The following FZD8 variants were observed in gnomAD, a reference collection of about 807,000 sequenced individuals.
FZD8 encodes frizzled-8.
A neutral mutation model predicts 46.0 loss-of-function variants in FZD8; 18 were observed. The ratio of observed to expected loss-of-function variants is 0.39; its 90% CI spans 0.27 to 0.58. FZD8 has a LOEUF of 0.58. Among genes scored for constraint, FZD8 ranks in the 20% least tolerant of loss-of-function variants. FZD8 has a pLI of 0.55. For missense variants in FZD8, 785 were observed against 983.4 expected, an observed-to-expected ratio of 0.80 and a Z score of 2.70; for synonymous variants, 586 against 467.9, an observed-to-expected ratio of 1.25 and a Z score of -3.26.
In FZD8 at chr10:35,641,471, C is replaced by T. The variant is rs773101447; in HGVS notation, c.-42G>A. On this transcript the variant is annotated 5_prime_UTR_variant, in exon 1 of 1. Transcript: ENST00000374694. This position sits in a 1 kb window ranked among gnomAD's most constrained non-coding sequence, Gnocchi z 6.3. ...CGGTGCCCTCGCCCTCCAGGCGGCG[C>T]GCAGAGGGGTGCCGGGGGGGGGGCC... 1 of 1,482,406 alleles carries T rather than the reference C, an allele frequency of 6.7e-7. No homozygotes were observed. The highest frequency in any genetic ancestry group is 8.9e-7 in the Non-Finnish European group (1 of 1,125,720). 91.8% of individuals were successfully genotyped at this position (1,482,406 alleles called of 1,614,324 possible). A position where few individuals can be genotyped will look rare whatever the true frequency, so the allele number is the denominator to read the frequency against.
rs764772371 is a variant in FZD8 at position 35,642,173 on chromosome 10, A to G, written c.-744T>C. 5 of 152,214 alleles carry G rather than the reference A, an allele frequency of 3.3e-5. No individual in the cohort carries two copies. Among genetic ancestry groups the G allele is most frequent in the Non-Finnish European group, 5.9e-5 (4 of 68,100 alleles). The allele number at this position is 152,214 out of a possible 1,614,324, so 9.4% of individuals were successfully genotyped here. ...ACAGTCTCCTTCCTGCTGGACACCC[A>G]GGAGCAAATCCAGACCGGAAGGCGG... is the stretch of plus-strand genomic sequence containing the variant. On this transcript the variant is annotated 5_prime_UTR_variant, in exon 1 of 1. Transcript: ENST00000374694.
rs1463510301 is a variant in FZD8 at position 35,640,602 on chromosome 10, G to A, written c.828C>T (p.Phe276=). Residue 276 remains phenylalanine (F), a synonymous_variant, in exon 1 of 1, where the codon TTC becomes TTT. Transcript: ENST00000374694. ...NPFFSQDERA[F]TVFWIGLWSV... is the part of the protein sequence containing the mutation. The stretch of plus-strand genomic sequence containing the variant: ...ACCACAGGCCGATCCAGAAGACGGT[G>A]AAGGCGCGCTCGTCCTGGCTGAAAA... The A allele has an allele frequency of 6.9e-6, 11 of 1,584,926 alleles. No individual in the cohort carries two copies. The highest frequency in any genetic ancestry group is 9.5e-6 in the Non-Finnish European group (11 of 1,163,530).
rs757177993 is a variant in FZD8, at chr10:35,640,497, C to T, written c.933G>A (p.Arg311=). ...IDMERFKYPE[R]PIIFLSACYL... is the part of the protein sequence containing the mutation. Reference sequence around the variant, plus strand: ...AGCAGGCCGAGAGGAAGATAATGGGCCGCTCCGGGTACTTGAAGCGCTCCA... The same window carrying T: ...AGCAGGCCGAGAGGAAGATAATGGGTCGCTCCGGGTACTTGAAGCGCTCCA... The change falls in exon 1 of 1, where the codon CGG becomes CGA. Residue 311 remains arginine, a synonymous_variant. Transcript: ENST00000374694. 2 of 1,583,594 alleles carry T rather than the reference C, an allele frequency of 1.3e-6. No homozygotes were observed. The highest frequency in any genetic ancestry group is 2.3e-5 in the East Asian group (1 of 43,038).
Position 35,640,083 on chromosome 10 carries a change from G to A in FZD8, c.1347C>T (p.Pro449=). The part of the protein sequence containing the change: ...QYFHLAAWLV[P]SVKSIAVLAL... ...CCAGCACCGCGATGGACTTGACGCT[G>A]GGCACAAGCCACGCGGCCAGGTGGA... Residue 449 remains proline, a synonymous_variant, in exon 1 of 1, where the codon CCC becomes CCT. Coordinates refer to ENST00000374694, the MANE Select transcript of FZD8 (RefSeq NM_031866.3). The A allele has an allele frequency of 6.2e-7, 1 of 1,611,246 alleles. No individual in the cohort carries two copies. The highest frequency in any genetic ancestry group is 8.5e-7 in the Non-Finnish European group (1 of 1,179,534).
In FZD8 at chr10:35,639,679, G is replaced by A. The variant is rs1456897475; in HGVS notation, c.1751C>T (p.Ala584Val). The change falls in exon 1 of 1, where the codon GCC becomes GTC. Residue 584 changes from alanine (A) to valine (V), a missense_variant. Physicochemically the swap from Ala to Val is moderately conservative, Grantham distance 64 (BLOSUM62 0). Around this residue, in one of 5 missense-constraint regions of FZD8, gnomAD observed 185 missense variants for 180.8 expected, o/e 1.02. Coordinates refer to ENST00000374694, the MANE Select transcript of FZD8 (RefSeq NM_031866.3). ...QPDQARRPDYAVFMLKYFMCL... is the reference protein window; with the variant it reads ...QPDQARRPDYVVFMLKYFMCL... ...CATGAAGTACTTGAGCATGAAGACG[G>A]CGTAGTCGGGCCTGCGTGCCTGGTC... 6.3e-7 allele frequency: 1 copy of A among 1,599,256 alleles called. No individual in the cohort carries two copies.
rs771459413 is a variant in FZD8 at position 35,639,547 on chromosome 10, G to A, written c.1883C>T (p.Ala628Val). Residue 628 changes from alanine (A) to valine (V), a missense_variant, in exon 1 of 1, where the codon GCG (alanine) becomes GTG (valine). Physicochemically the swap from Ala to Val is moderately conservative, Grantham distance 64. Transcript: ENST00000374694. ...CGTGGCGCCCGCGCCCCCGCCCACC[G>A]CGGCGCCCTTGCTGGCCCAGCAGCA... ...TRCCWASKGA[A>V]VGGGAGATAA... 9 of 1,305,910 alleles carry A rather than the reference G, an allele frequency of 6.9e-6. No homozygotes were observed. In the East Asian group the frequency reaches 2.2e-4, roughly 32 times the overall value. The allele number at this position is 1,305,910 out of a possible 1,614,324, so 80.9% of individuals were successfully genotyped here. A position where few individuals can be genotyped will look rare whatever the true frequency, so the allele number is the denominator to read the frequency against.
At position 35,639,352 on chromosome 10, in the gene FZD8, T is replaced by G. The variant is rs750174519; in HGVS notation, c.2078A>C (p.Gln693Pro). 9 of 1,206,586 alleles carry G rather than the reference T, an allele frequency of 7.5e-6. No homozygotes were observed. Among genetic ancestry groups the G allele is most frequent in the South Asian group, 1.4e-5 (1 of 71,548 alleles). 74.7% of individuals were successfully genotyped at this position (1,206,586 alleles called of 1,614,324 possible). A position where few individuals can be genotyped will look rare whatever the true frequency, so the allele number is the denominator to read the frequency against. ...VSYPKQMPLS[Q>P]V is the part of the protein sequence containing the mutation. ...GCGCCCCCTCCCCTCCGCTCAGACC[T>G]GGGACAATGGCATCTGCTTTGGATA... The change falls in exon 1 of 1, where the codon CAG becomes CCG. Residue 693 changes from glutamine (Q) to proline (P), a missense_variant. Physicochemically the swap from Gln to Pro is moderately conservative, Grantham distance 76 (BLOSUM62 -1). Coordinates refer to ENST00000374694, the MANE Select transcript of FZD8 (RefSeq NM_031866.3).
In FZD8 at chr10:35,639,723, G is replaced by A. The variant is rs575740384; in HGVS notation, c.1707C>T (p.Cys569=). ...PRWEATHNCP[C]LRDLQPDQAR... is the part of the protein sequence containing the mutation. ...CCTGGTCGGGCTGCAGGTCCCGCAG[G>A]CACGGGCAGTTGTGCGTGGCCTCCC... Residue 569 remains cysteine, a synonymous_variant, in exon 1 of 1, where the codon TGC becomes TGT. Coordinates refer to ENST00000374694, the MANE Select transcript of FZD8 (RefSeq NM_031866.3). 1.3e-6 allele frequency: 2 copies of A among 1,599,908 alleles called. No homozygotes were observed. The highest frequency in any genetic ancestry group is 2.2e-5 in the East Asian group (1 of 44,862).
At position 35,639,373 on chromosome 10, in the gene FZD8, G is replaced by T; in HGVS notation, c.2057C>A (p.Pro686Gln). ...GACCTGGGACAATGGCATCTGCTTT[G>T]GATAAGACACGGAGCTCGCCGTGCC... ...RSGTASSVSY[P>Q]KQMPLSQV Residue 686 changes from proline (P) to glutamine (Q), a missense_variant, in exon 1 of 1, where the codon CCA becomes CAA. By Grantham distance (76) the Pro-to-Gln change is moderately conservative. Around this residue, in one of 5 missense-constraint regions of FZD8, gnomAD observed 185 missense variants for 180.8 expected, o/e 1.02. Transcript: ENST00000374694. 1 of 1,471,086 alleles carries T rather than the reference G, an allele frequency of 6.8e-7. No homozygotes were observed. Among genetic ancestry groups the T allele is most frequent in the South Asian group, 1.3e-5 (1 of 79,068 alleles). The allele number at this position is 1,471,086 out of a possible 1,614,324, so 91.1% of individuals were successfully genotyped here. A position where few individuals can be genotyped will look rare whatever the true frequency, so the allele number is the denominator to read the frequency against.
rs1835813681 is a variant in FZD8, at chr10:35,639,434, A to T, written c.1996T>A (p.Tyr666Asn). The T allele has an allele frequency of 1.6e-6, 2 of 1,240,962 alleles. No individual in the cohort carries two copies. Among genetic ancestry groups the T allele is most frequent in the Non-Finnish European group, 2.1e-6 (2 of 970,820 alleles). The allele number at this position is 1,240,962 out of a possible 1,614,324, so 76.9% of individuals were successfully genotyped here. ...GGPGGGGGSL[Y>N]SDVSTGLTWR... is the part of the protein sequence containing the mutation. ...GTCAGGCCAGTGCTGACGTCGCTGT[A>T]GAGGGAGCCCCCGCCGCCGCCCGGC... Residue 666 changes from tyrosine (Y) to asparagine (N), a missense_variant, in exon 1 of 1, where the codon TAC becomes AAC. Physicochemically the swap from Tyr to Asn is moderately radical, Grantham distance 143 (BLOSUM62 -2). Coordinates refer to ENST00000374694, the MANE Select transcript of FZD8 (RefSeq NM_031866.3).
Position 35,638,470 on chromosome 10 carries a change from T to C in FZD8, c.*875A>G, listed in dbSNP as rs973619217. 5 of 152,690 alleles carry C rather than the reference T, an allele frequency of 3.3e-5. No homozygotes were observed. Among genetic ancestry groups the C allele is most frequent in the African/African-American group, 9.6e-5 (4 of 41,452 alleles). 9.5% of individuals were successfully genotyped at this position (152,690 alleles called of 1,614,324 possible). On this transcript the variant is annotated 3_prime_UTR_variant, in exon 1 of 1. Coordinates refer to ENST00000374694, the MANE Select transcript of FZD8 (RefSeq NM_031866.3). ...TTTACTTGGCTAACAACTTAAGAAC[T>C]AGAGTTTAACAAGTAATTTTCTCCA...
At position 35,640,341 on chromosome 10, in the gene FZD8, C is replaced by G. The variant is rs938462784; in HGVS notation, c.1089G>C (p.Ala363=). 3.5e-4 allele frequency: 334 copies of G among 966,992 alleles called. 3 individuals are homozygous for G. The South Asian group carries it at 8.0e-3, about 23-fold the overall frequency. 59.9% of individuals were successfully genotyped at this position (966,992 alleles called of 1,614,324 possible). A position where few individuals can be genotyped will look rare whatever the true frequency, so the allele number is the denominator to read the frequency against. The change falls in exon 1 of 1, where the codon GCG becomes GCC. Residue 363 remains alanine (A), a synonymous_variant. Transcript: ENST00000374694. ...CGCCCGGGCCGCCCGCGCCCGCGCCCGCCGCGCCCGCGCCCGCCGCCGCGC... is the reference window on the plus strand; with the variant it reads ...CGCCCGGGCCGCCCGCGCCCGCGCCGGCCGCGCCCGCGCCCGCCGCCGCGC... ...AGGAAAGAGA[A]GAGAGGPGGR... is the part of the protein sequence containing the mutation.
At position 35,639,406 on chromosome 10, in the gene FZD8, C is replaced by G. The variant is rs763828550; in HGVS notation, c.2024G>C (p.Trp675Ser). ...CACGGAGCTCGCCGTGCCCGACCGCCACGTCAGGCCAGTGCTGACGTCGCT... is the reference window on the plus strand; with the variant it reads ...CACGGAGCTCGCCGTGCCCGACCGCGACGTCAGGCCAGTGCTGACGTCGCT... ...LYSDVSTGLT[W>S]RSGTASSVSY... Residue 675 changes from tryptophan (W) to serine (S), a missense_variant, in exon 1 of 1, where the codon TGG (tryptophan) becomes TCG (serine). This residue lies in a region of FZD8 where 185 missense variants were observed against 180.8 expected (regional missense o/e 1.02). Coordinates refer to ENST00000374694, the MANE Select transcript of FZD8 (RefSeq NM_031866.3). 2 of 1,456,714 alleles carry G rather than the reference C, an allele frequency of 1.4e-6. No individual in the cohort carries two copies. Among genetic ancestry groups the G allele is most frequent in the Admixed American group, 4.2e-5 (2 of 48,168 alleles). 90.2% of individuals were successfully genotyped at this position (1,456,714 alleles called of 1,614,324 possible). A position where few individuals can be genotyped will look rare whatever the true frequency, so the allele number is the denominator to read the frequency against.
Position 35,639,977 on chromosome 10 carries a change from C to T in FZD8, c.1453G>A (p.Val485Met), listed in dbSNP as rs773282857. The stretch of plus-strand genomic sequence containing the variant: ...AGGTAGATGACCAGCGGCGCCAGCA[C>T]GAAGCCGCGCAGGTTGTCCAGGCTC... ...NQSLDNLRGF[V>M]LAPLVIYLFI... The change falls in exon 1 of 1, where the codon GTG becomes ATG. Residue 485 changes from valine to methionine, a missense_variant. By Grantham distance (21) the Val-to-Met change is conservative. This residue lies in a region of FZD8 where 147 missense variants were observed against 242.5 expected (regional missense o/e 0.61). Coordinates refer to ENST00000374694, the MANE Select transcript of FZD8 (RefSeq NM_031866.3). The T allele has an allele frequency of 6.2e-6, 10 of 1,612,686 alleles. No individual in the cohort carries two copies. Among genetic ancestry groups the T allele is most frequent in the African/African-American group, 1.3e-5 (1 of 74,856 alleles).
At position 35,639,431 on chromosome 10, in the gene FZD8, T is replaced by C; in HGVS notation, c.1999A>G (p.Ser667Gly). 7.2e-6 allele frequency: 9 copies of C among 1,258,706 alleles called. No individual in the cohort carries two copies. The highest frequency in any genetic ancestry group is 9.2e-6 in the Non-Finnish European group (9 of 980,752). 78.0% of individuals were successfully genotyped at this position (1,258,706 alleles called of 1,614,324 possible). A position where few individuals can be genotyped will look rare whatever the true frequency, so the allele number is the denominator to read the frequency against. Residue 667 changes from serine (S) to glycine (G), a missense_variant, in exon 1 of 1, where the codon AGC (serine) becomes GGC (glycine). This residue lies in a region of FZD8 where 185 missense variants were observed against 180.8 expected (regional missense o/e 1.02). Transcript: ENST00000374694. ...CACGTCAGGCCAGTGCTGACGTCGC[T>C]GTAGAGGGAGCCCCCGCCGCCGCCC... is the stretch of plus-strand genomic sequence containing the variant. ...GPGGGGGSLY[S>G]DVSTGLTWRS...
Position 35,640,805 on chromosome 10 carries a change from C to G in FZD8, c.625G>C (p.Ala209Pro). 9.9e-7 allele frequency: 1 copy of G among 1,012,236 alleles called. No homozygotes were observed. The highest frequency in any genetic ancestry group is 9.3e-5 in the East Asian group (1 of 10,772). 62.7% of individuals were successfully genotyped at this position (1,012,236 alleles called of 1,614,324 possible). The change falls in exon 1 of 1, where the codon GCT becomes CCT. Residue 209 changes from alanine (A) to proline (P), a missense_variant. Transcript: ENST00000374694. ...GGGGDAAAPPARGGGGGGKAR... is the reference protein window; with the variant it reads ...GGGGDAAAPPPRGGGGGGKAR... ...TTCCCGCCACCGCCGCCGCCGCGAGCTGGGGGCGCCGCCGCGTCCCCGCCG... is the reference window on the plus strand; with the variant it reads ...TTCCCGCCACCGCCGCCGCCGCGAGGTGGGGGCGCCGCCGCGTCCCCGCCG...
Position 35,639,846 on chromosome 10 carries a change from C to G in FZD8, c.1584G>C (p.Lys528Asn), listed in dbSNP as rs771927894. ...TGAACAGGCCCAGGCGGATCATCAGCTTCTCCAGCTTGTGCGTCTTGGTGG... is the reference window on the plus strand; with the variant it reads ...TGAACAGGCCCAGGCGGATCATCAGGTTCTCCAGCTTGTGCGTCTTGGTGG... ...DGPTKTHKLEKLMIRLGLFTV... is the reference protein window; with the variant it reads ...DGPTKTHKLENLMIRLGLFTV... Residue 528 changes from lysine (K) to asparagine (N), a missense_variant, in exon 1 of 1, where the codon AAG becomes AAC. Lys to Asn is a moderately conservative substitution (Grantham distance 94). This residue lies in a region of FZD8 where 147 missense variants were observed against 242.5 expected (regional missense o/e 0.61). Coordinates refer to ENST00000374694, the MANE Select transcript of FZD8 (RefSeq NM_031866.3). 6.2e-7 allele frequency: 1 copy of G among 1,608,728 alleles called. No homozygotes were observed.
At position 35,641,599 on chromosome 10, in the gene FZD8, T is replaced by A; in HGVS notation, c.-170A>T. 1 of 833,820 alleles carries A rather than the reference T, an allele frequency of 1.2e-6. No homozygotes were observed. Among genetic ancestry groups the A allele is most frequent in the South Asian group, 1.9e-5 (1 of 51,816 alleles). 51.7% of individuals were successfully genotyped at this position (833,820 alleles called of 1,614,324 possible). A position where few individuals can be genotyped will look rare whatever the true frequency, so the allele number is the denominator to read the frequency against. ...TAATCTAACCCCTTCTAGGGGCGCG[T>A]CCGCAGCGGCGCGGCCCGCAGCCTG... On this transcript the variant is annotated 5_prime_UTR_variant, in exon 1 of 1. Coordinates refer to ENST00000374694, the MANE Select transcript of FZD8 (RefSeq NM_031866.3). This position sits in a 1 kb window ranked among gnomAD's most constrained non-coding sequence, Gnocchi z 6.3.
rs1251854835 is a variant in FZD8 at position 35,640,677 on chromosome 10, G to C, written c.753C>G (p.Arg251=). ...AGTTAGCGATCTGGCCTGTCTTGAC[G>C]CGGTTGTAGAGCGGGTGGCGCTCGC... ...VSSERHPLYN[R]VKTGQIANCA... is the part of the protein sequence containing the mutation. Residue 251 remains arginine, a synonymous_variant, in exon 1 of 1, where the codon CGC becomes CGG. Transcript: ENST00000374694. 8.3e-6 allele frequency: 13 copies of C among 1,557,796 alleles called. No homozygotes were observed. The highest frequency in any genetic ancestry group is 5.3e-5 in the Admixed American group (3 of 56,326).
Sources: gnomAD v4.1 joint callset for allele counts on GRCh38, gnomAD v4.1.1 for gene constraint, gnomAD v4.1.1 regional missense constraint, Gnocchi (gnomAD v3.1) non-coding constraint, MANE v1.5 for transcripts, NCBI Gene and HGNC (gene_info 2026-07-23, HGNC 2026-07-21) for gene names.